Variants in LRRC4C observed in about 807,000 individuals in gnomAD.
The protein encoded by LRRC4C is leucine-rich repeat-containing protein 4C.
LRRC4C carries 5 observed loss-of-function variants against 33.6 expected under a neutral mutation model. The ratio of observed to expected loss-of-function variants is 0.15; its 90% confidence interval spans 0.08 to 0.31. The LOEUF is 0.31. Among genes scored for constraint, LRRC4C ranks in the 10% least tolerant of loss-of-function variants. LRRC4C has a pLI of 1.00. For synonymous variants in LRRC4C, 329 were observed against 302.0 expected (o/e 1.09, Z -0.93); for missense variants, 560 against 796.7 (o/e 0.70, Z 3.58).
intron 3 of LRRC4C, among the ~76,000 whole-genome samples, chr11:40,638,774 T>G (rs567385163): frequency 6.6e-6 from 1 of 151,202 alleles, no homozygotes; most frequent in African/African-American, 2.4e-5. Context: ...GGTCGAGTTT[T>G]TTTTTTTTTT....
chr11:40,689,361 A>T (rs572437194), intron 2 of LRRC4C, among the ~76,000 whole-genome samples: 1 of 152,078 alleles, frequency 6.6e-6, no homozygotes, highest in African/African-American at 2.4e-5. Context: ...TGTCTTCTTC[A>T]TGAAAAAAAT....
At chr11:41,114,046 T>C (rs1160133818) in intron 1 of LRRC4C, among the ~76,000 whole-genome samples, 1 of 152,038 alleles carries the variant, frequency 6.6e-6, no homozygotes, top group African/African-American at 2.4e-5. Context: ...CTTCACAAAC[T>C]GCTAATGTAT....
intron 1 of LRRC4C, among the ~76,000 whole-genome samples, chr11:41,287,068 C>A (rs1369882533): frequency 1.3e-5 from 2 of 152,136 alleles, no homozygotes; most frequent in East Asian, 1.9e-4. Flanking sequence ...AAAGAATTTT[C>A]TTTTCCTTTG....
intron 2 of LRRC4C, among the ~76,000 whole-genome samples, chr11:40,740,478 T>TA (rs200956407): frequency 0.012 from 1,822 of 152,112 alleles, 29 homozygotes; most frequent in South Asian, 0.03. Flanking sequence ...CTTTTTCCAT[T>TA]AAAAAAAGTC....
At chr11:40,819,089 T>C (rs987984426) in intron 2 of LRRC4C, among the ~76,000 whole-genome samples, 7 of 152,154 alleles carry the variant, frequency 4.6e-5, no homozygotes, top group African/African-American at 7.2e-5. Flanking sequence ...TATCCAATGA[T>C]ACGTAATCCT....
At chr11:40,676,598 A>C (rs969700208) in intron 2 of LRRC4C, among the ~76,000 whole-genome samples, 3 of 152,144 alleles carry the variant, frequency 2.0e-5, no homozygotes, top group Admixed American at 2.0e-4. Context: ...ATGCAAGATA[A>C]ATTTTTCCTT....
chr11:41,283,006 G>A (rs371438958), intron 1 of LRRC4C, among the ~76,000 whole-genome samples: 2 of 152,148 alleles, frequency 1.3e-5, no homozygotes, highest in East Asian at 1.9e-4. Flanking sequence ...TCTATCAAAT[G>A]TAATGTTTTT....
intron 1 of LRRC4C, among the ~76,000 whole-genome samples, chr11:41,068,334 G>A (rs372394149): frequency 3.9e-5 from 6 of 152,022 alleles, no homozygotes; most frequent in African/African-American, 7.2e-5. Context: ...TGGAGGTTGC[G>A]GTGAGCTGAG....
intron 2 of LRRC4C, among the ~76,000 whole-genome samples, chr11:40,846,389 C>G (rs1953173936): frequency 6.6e-6 from 1 of 152,116 alleles, no homozygotes; most frequent in South Asian, 2.1e-4. Context: ...TTTCAGTTTT[C>G]TGCATATGGC....
At chr11:41,343,724 C>T (rs2137495915) in intron 1 of LRRC4C, among the ~76,000 whole-genome samples, 1 of 152,188 alleles carries the variant, frequency 6.6e-6, no homozygotes, top group South Asian at 2.1e-4. Flanking sequence ...AATAAAATCA[C>T]ATATTTATTT....
chr11:40,781,899 T>C (rs1950225891), intron 2 of LRRC4C, among the ~76,000 whole-genome samples: 1 of 152,188 alleles, frequency 6.6e-6, no homozygotes, highest in Non-Finnish European at 1.5e-5. Flanking sequence ...AATGCCAGGC[T>C]TTCTGCTCTG....
In LRRC4C at chr11:40,549,693, G is replaced by A. The variant is rs72885176; in HGVS notation, c.-270+98449C>T. Among the ~76,000 whole-genome samples the A allele has an allele frequency of 3.6e-3, 541 of 152,218 alleles. 2 individuals are homozygous for A. Among genetic ancestry groups the A allele is most frequent in the Non-Finnish European group, 6.0e-3 (406 of 67,994 alleles). Reference sequence around the variant, plus strand: ...CATAATCTCTACTTTGTAATCAGTAGTGTAGGAAGTTTAATGACTATGGAG... The same window carrying A: ...CATAATCTCTACTTTGTAATCAGTAATGTAGGAAGTTTAATGACTATGGAG... On this transcript the variant is annotated intron_variant, in intron 3 of 6. Coordinates refer to ENST00000528697, the MANE Select transcript of LRRC4C (RefSeq NM_001258419.2).
chr11:41,037,603 C>T (rs955199732), intron 1 of LRRC4C, among the ~76,000 whole-genome samples: 5 of 151,758 alleles, frequency 3.3e-5, no homozygotes, highest in African/African-American at 7.3e-5. Context: ...CACACACACA[C>T]GCACTAAGAC....
chr11:41,347,614 C>T (rs986271475), intron 1 of LRRC4C, among the ~76,000 whole-genome samples: 3 of 152,034 alleles, frequency 2.0e-5, no homozygotes, highest in Admixed American at 2.0e-4. Context: ...GTAGTAAGTA[C>T]AGAAAGTAAA....
chr11:40,848,065 C>T (rs947422426), intron 2 of LRRC4C, among the ~76,000 whole-genome samples: 2 of 117,696 alleles, frequency 1.7e-5, no homozygotes, highest in Non-Finnish European at 3.9e-5. Flanking sequence ...ATTATTCTGG[C>T]TAGTGGTCTA....
chr11:41,259,311 A>G (rs1254370785), intron 1 of LRRC4C, among the ~76,000 whole-genome samples: 1 of 152,030 alleles, frequency 6.6e-6, no homozygotes. Context: ...AGCACATGTG[A>G]GTTAACTTTT....
chr11:40,283,891 A>G (rs1012702565), intron 4 of LRRC4C, among the ~76,000 whole-genome samples: 5 of 151,306 alleles, frequency 3.3e-5, no homozygotes, highest in Admixed American at 2.6e-4. Flanking sequence ...TTTAGTAGAG[A>G]CAGATTTCTC....
chr11:40,967,117 T>G (rs1851417113), intron 1 of LRRC4C, among the ~76,000 whole-genome samples: 1 of 151,762 alleles, frequency 6.6e-6, no homozygotes, highest in African/African-American at 2.4e-5. Flanking sequence ...AATCTGAGTT[T>G]GAGCTTAAAA....
intron 1 of LRRC4C, among the ~76,000 whole-genome samples, chr11:41,247,883 C>T (rs545071361): frequency 2.0e-5 from 3 of 152,220 alleles, no homozygotes; most frequent in South Asian, 2.1e-4. Context: ...GGCTGGGGCA[C>T]GTTGCATTAC....
Sources: allele counts gnomAD v4.1 joint callset (sites outside exome capture counted in the v4.1 genomes callset), GRCh38; gene constraint gnomAD v4.1.1; transcripts MANE v1.5; gene names NCBI Gene and HGNC (gene_info 2026-07-23, HGNC 2026-07-21).